Variants in ERCC6L2 observed in about 807,000 individuals in gnomAD.
ERCC6L2 encodes DNA excision repair protein ERCC-6-like 2.
ERCC6L2 carries 77 observed loss-of-function variants against 132.0 expected under a neutral mutation model. That is an observed-to-expected ratio of 0.58 (90% CI 0.49 to 0.71). The LOEUF is 0.71. Ranked by LOEUF, ERCC6L2 falls within the 30% of genes least tolerant of loss-of-function variation. The probability of loss-of-function intolerance (pLI) is 0.00; values close to 1 mark genes in which losing one functional copy is unlikely to be tolerated. For missense variants in ERCC6L2, 1,542 were observed against 1,837.6 expected (o/e 0.84, Z 2.94); for synonymous variants, 583 against 632.4 (o/e 0.92, Z 1.17).
At chr9:96,004,398 C>T in intron 17 of ERCC6L2, 122 bp from the exon 18 acceptor site, 2 of 470,212 alleles carry the variant, frequency 4.3e-6, no homozygotes, top group Non-Finnish European at 7.3e-6. Context: ...ACATTGATTT[C>T]AGTTGGAGAA....
At chr9:95,892,916 AT>A (rs1382956029) in intron 2 of ERCC6L2, among the ~76,000 whole-genome samples, 1 of 152,148 alleles carries the variant, frequency 6.6e-6, no homozygotes, top group Admixed American at 6.5e-5. Context: ...TATTTAGTTC[AT>A]TTACATTTAA....
chr9:95,998,616 A>T (rs1435674074), intron 17 of ERCC6L2, among the ~76,000 whole-genome samples: 1 of 152,162 alleles, frequency 6.6e-6, no homozygotes, highest in Non-Finnish European at 1.5e-5. Context: ...TTGGAAGGGG[A>T]CCACAAGACA....
chr9:96,027,173 C>A (rs1239397301), intron 19 of ERCC6L2, among the ~76,000 whole-genome samples: 25 of 112,082 alleles, frequency 2.2e-4, no homozygotes, highest in Admixed American at 2.2e-3. Context: ...ACCACACACA[C>A]ACACACCACA....
intron 10 of ERCC6L2, 42 bp downstream of exon 10, chr9:95,928,192 C>A: frequency 1.4e-6 from 2 of 1,389,064 alleles, no homozygotes; most frequent in South Asian, 1.2e-5. Context: ...CCAGCCTCAA[C>A]TTTTGAGGCA....
At chr9:95,989,640 A>G (rs1195914609) in intron 17 of ERCC6L2, among the ~76,000 whole-genome samples, 11 of 152,166 alleles carry the variant, frequency 7.2e-5, no homozygotes. Context: ...AGTAATTTCA[A>G]ATAGTACAGG....
At chr9:95,975,421 T>C (rs887447219) in intron 16 of ERCC6L2, among the ~76,000 whole-genome samples, 1 of 151,706 alleles carries the variant, frequency 6.6e-6, no homozygotes, top group Non-Finnish European at 1.5e-5. Flanking sequence ...TTGAGCATCT[T>C]AAATATGTAG....
chr9:96,033,298 T>C (rs1834483521), intron 19 of ERCC6L2, among the ~76,000 whole-genome samples: 1 of 151,386 alleles, frequency 6.6e-6, no homozygotes, highest in African/African-American at 2.4e-5. Context: ...CAGGCTGGAG[T>C]GCAATGGTGT....
chr9:95,914,626 A>G (rs1038690824), intron 4 of ERCC6L2, among the ~76,000 whole-genome samples: 1 of 152,214 alleles, frequency 6.6e-6, no homozygotes, highest in East Asian at 1.9e-4. Context: ...TGCTGGGATT[A>G]CAAGCATGAG....
chr9:95,987,177 A>G (rs1833128921), intron 17 of ERCC6L2, among the ~76,000 whole-genome samples: 2 of 152,108 alleles, frequency 1.3e-5, no homozygotes. Flanking sequence ...GAGCCAAACC[A>G]TATCATTCTG....
chr9:95,899,562 CTTCT>C (rs1204600137), intron 3 of ERCC6L2, among the ~76,000 whole-genome samples: 1 of 150,188 alleles, frequency 6.7e-6, no homozygotes, highest in Non-Finnish European at 1.5e-5. Context: ...CCTCTCCTTC[CTTCT>C]TTCCTTTCTT....
At chr9:95,929,222 G>GT (rs1830232752) in intron 11 of ERCC6L2, 1 of 163,728 alleles carries the variant, frequency 6.1e-6, no homozygotes, top group Non-Finnish European at 1.3e-5. Context: ...TTTTCCCACT[G>GT]TGTCAGGGAG....
In ERCC6L2 at chr9:96,012,856, A is replaced by G; in HGVS notation, c.4306A>G (p.Ile1436Val). 1 of 1,367,664 alleles carries G rather than the reference A, an allele frequency of 7.3e-7. No individual in the cohort carries two copies. The highest frequency in any genetic ancestry group is 9.8e-7 in the Non-Finnish European group (1 of 1,021,850). The allele number at this position is 1,367,664 out of a possible 1,614,324, so 84.7% of individuals were successfully genotyped here. The part of the protein sequence containing the change: ...ENPVLENTSV[I>V]SLLGDTSILD... ...TCCAGTGCTGGAAAATACTTCTGTG[A>G]TAAGCTTACTTGGTGATACCTCTAT... Residue 1436 changes from isoleucine (I) to valine (V), a missense_variant, in exon 19 of 19, where the codon ATA becomes GTA. Physicochemically the swap from Ile to Val is conservative, Grantham distance 29. Around this residue, in one of 4 missense-constraint regions of ERCC6L2, gnomAD observed 442 missense variants for 583.4 expected, o/e 0.76. Transcript: ENST00000653738.
At chr9:95,998,276 C>A (rs1166720869) in intron 17 of ERCC6L2, among the ~76,000 whole-genome samples, 1 of 152,092 alleles carries the variant, frequency 6.6e-6, no homozygotes, top group Non-Finnish European at 1.5e-5. Context: ...CAGGTTAAGA[C>A]CCCCACTCTC....
At chr9:95,880,171 C>T (rs1327340445) in intron 1 of ERCC6L2, among the ~76,000 whole-genome samples, 1 of 152,034 alleles carries the variant, frequency 6.6e-6, no homozygotes, top group Non-Finnish European at 1.5e-5. Context: ...ATATTCAAAA[C>T]CCGGAAGAGG....
At chr9:95,984,221 GTATA>G (rs1564285916) in intron 17 of ERCC6L2, among the ~76,000 whole-genome samples, 2 of 148,248 alleles carry the variant, frequency 1.3e-5, no homozygotes, top group South Asian at 2.1e-4. Flanking sequence ...TATGGATAAA[GTATA>G]TATTATATAT....
Position 95,955,666 on chromosome 9 carries a change from A to C in ERCC6L2, c.1848-248A>C, listed in dbSNP as rs988778936. Among the ~76,000 whole-genome samples, 5 of 148,758 alleles carry C rather than the reference A, an allele frequency of 3.4e-5. 1 individual carries two copies. Among genetic ancestry groups the C allele is most frequent in the African/African-American group, 1.3e-4 (5 of 38,224 alleles). ...TTAGGAAATGTTTTTAGACAGTGGA[A>C]AGTGATGTTTATAACAAAAATGAAG... On this transcript the variant is annotated intron_variant, in intron 12 of 18. Coordinates refer to ENST00000653738, the MANE Select transcript of ERCC6L2 (RefSeq NM_020207.7).
At chr9:95,893,222 C>T (rs933130607) in intron 2 of ERCC6L2, among the ~76,000 whole-genome samples, 2 of 152,118 alleles carry the variant, frequency 1.3e-5, no homozygotes, top group Admixed American at 6.5e-5. Context: ...AGTGTAATGC[C>T]TAATATACCT....
chr9:95,991,049 G>C (rs1329457389), intron 17 of ERCC6L2, among the ~76,000 whole-genome samples: 1 of 151,978 alleles, frequency 6.6e-6, no homozygotes, highest in Non-Finnish European at 1.5e-5. Flanking sequence ...CTGTCCATAG[G>C]CTCCGATGCT....
At chr9:95,975,998 TG>T (rs1832654500) in intron 16 of ERCC6L2, among the ~76,000 whole-genome samples, 2 of 152,178 alleles carry the variant, frequency 1.3e-5, no homozygotes, top group African/African-American at 2.4e-5. Context: ...ACATTTTCAT[TG>T]AAGGGATATT....
Sources: gnomAD v4.1 joint callset for allele counts (sites outside exome capture counted in the v4.1 genomes callset) on GRCh38, gnomAD v4.1.1 for gene constraint, gnomAD v4.1.1 regional missense constraint, MANE v1.5 for transcripts, NCBI Gene and HGNC (gene_info 2026-07-23, HGNC 2026-07-21) for gene names.